Variants in EGFL7 observed in about 807,000 individuals in gnomAD.
EGFL7 encodes EGF like domain multiple 7, also known as epidermal growth factor-like protein 7.
Under a neutral mutation model 37.1 loss-of-function variants are expected in EGFL7, and 48 were observed. The ratio of observed to expected loss-of-function variants is 1.29; its 90% confidence interval spans 1.03 to 1.65. The LOEUF (loss-of-function observed/expected upper bound fraction) is 1.65. Ranked by LOEUF, EGFL7 falls within the 40% of genes most tolerant of loss-of-function variation. The pLI is 0.00. For missense variants in EGFL7, 384 were observed against 378.9 expected (o/e 1.01, Z -0.11); for synonymous variants, 180 against 156.8 (o/e 1.15, Z -1.10).
intron 1 of EGFL7, 122 bp downstream of exon 1, chr9:136,663,230 G>A (rs533903132): frequency 1.4e-4 from 21 of 152,552 alleles, no homozygotes; most frequent in African/African-American, 5.0e-4. Context: ...CGAGGTCACA[G>A]GGGAGGGGTC....
At position 136,672,025 on chromosome 9, in the gene EGFL7, C is replaced by T; in HGVS notation, c.736C>T (p.Gln246Ter). The T allele has an allele frequency of 6.5e-7, 1 of 1,544,850 alleles. No homozygotes were observed. The highest frequency in any genetic ancestry group is 8.7e-7 in the Non-Finnish European group (1 of 1,146,844). Residue 246 changes from glutamine to a stop codon, truncating the protein, a stop_gained, in exon 10 of 11, where the codon CAG becomes TAG. Transcript: ENST00000308874. LOFTEE classifies it high-confidence loss of function. ...PGSLLVHSFQQLGRIDSLSEQ... is the reference protein window; with the variant it reads ...PGSLLVHSFQ ...CAGCCTCCTGGTGCACTCCTTCCAG[C>T]AGCTCGGCCGCATCGACTCCCTGAG...
At chr9:136,665,172 C>T (rs963518150) in intron 3 of EGFL7, among the ~76,000 whole-genome samples, 22 of 152,336 alleles carry the variant, frequency 1.4e-4, no homozygotes, top group South Asian at 4.1e-4. Flanking sequence ...TGCCTGATGC[C>T]TGAGAGAGGG....
upstream of EGFL7, chr9:136,658,950 G>A (rs1844978468): frequency 6.6e-6 from 1 of 152,210 alleles, no homozygotes; most frequent in East Asian, 1.9e-4. Flanking sequence ...GCCCCAGGAA[G>A]GGAGACGGGA....
At chr9:136,670,791 T>TA in intron 8 of EGFL7, 159 bp from the exon 9 acceptor site, 1 of 759,470 alleles carries the variant, frequency 1.3e-6, no homozygotes, top group Non-Finnish European at 2.3e-6. Flanking sequence ...TTAGGCGGCA[T>TA]AGCCCTGAGA....
Position 136,671,020 on chromosome 9 carries a change from G to T in EGFL7, c.636+6G>T. 1 of 1,333,940 alleles carries T rather than the reference G, an allele frequency of 7.5e-7. No individual in the cohort carries two copies. The highest frequency in any genetic ancestry group is 9.9e-7 in the Non-Finnish European group (1 of 1,009,788). 82.6% of individuals were successfully genotyped at this position (1,333,940 alleles called of 1,614,324 possible). A position where few individuals can be genotyped will look rare whatever the true frequency, so the allele number is the denominator to read the frequency against. On this transcript the variant is annotated splice_donor_region_variant and intron_variant, in intron 9 of 10. Coordinates refer to ENST00000308874, the MANE Select transcript of EGFL7 (RefSeq NM_016215.5). Reference sequence around the variant, plus strand: ...GGGTGGACCTGCTGGAGGAGGTGAGGCATTGGTGGGGGGGGGGGGGGGCAG... The same window carrying T: ...GGGTGGACCTGCTGGAGGAGGTGAGTCATTGGTGGGGGGGGGGGGGGGCAG...
intron 5 of EGFL7, 105 bp from the exon 6 acceptor site, chr9:136,669,501 G>T: frequency 1.3e-6 from 1 of 780,044 alleles, no homozygotes; most frequent in Non-Finnish European, 2.1e-6. Flanking sequence ...ACCCTTGGGG[G>T]CATGCTGGGG....
At chr9:136,660,149 G>A (rs1189661378), upstream of EGFL7, among the ~76,000 whole-genome samples, 1 of 152,146 alleles carries the variant, frequency 6.6e-6, no homozygotes, top group Non-Finnish European at 1.5e-5. Context: ...CCTGGGCCTT[G>A]GGCACAGAGT....
chr9:136,670,410 G>A (rs1845771160), intron 8 of EGFL7, 80 bp downstream of exon 8: 4 of 1,458,372 alleles, frequency 2.7e-6, no homozygotes. Flanking sequence ...GCATGGTGGG[G>A]GGCACTGGAA....
At chr9:136,660,714 C>G (rs1845092942), upstream of EGFL7, among the ~76,000 whole-genome samples, 1 of 152,184 alleles carries the variant, frequency 6.6e-6, no homozygotes, top group African/African-American at 2.4e-5. Flanking sequence ...CCGAGCTGTC[C>G]CCTGGCCGGA....
At position 136,670,312 on chromosome 9, in the gene EGFL7, G is replaced by A; in HGVS notation, c.553G>A (p.Val185Met). 1 of 1,587,276 alleles carries A rather than the reference G, an allele frequency of 6.3e-7. No homozygotes were observed. Among genetic ancestry groups the A allele is most frequent in the Non-Finnish European group, 8.6e-7 (1 of 1,164,048 alleles). The change falls in exon 8 of 11, where the codon GTG (valine) becomes ATG (methionine). Residue 185 changes from valine to methionine, a missense_variant. Val to Met is a conservative substitution (Grantham distance 21). Coordinates refer to ENST00000308874, the MANE Select transcript of EGFL7 (RefSeq NM_016215.5). The part of the protein sequence containing the change: ...LCVPKGGPPR[V>M]APNPTGVDSA... ...TGTGCCCAAGGGAGGGCCCCCCAGG[G>A]TGGCCCCCAACCCGACAGGTAAACA...
chr9:136,662,218 G>A (rs1030256060), upstream of EGFL7, among the ~76,000 whole-genome samples: 4 of 152,200 alleles, frequency 2.6e-5, no homozygotes, highest in East Asian at 1.9e-4. Flanking sequence ...TGGGGCTGAG[G>A]GCATTGGGCC....
rs991453675 is a variant in EGFL7 at position 136,669,926 on chromosome 9, C to T, written c.326C>T (p.Pro109Leu). 10 of 1,599,402 alleles carry T rather than the reference C, an allele frequency of 6.3e-6. No homozygotes were observed. The highest frequency in any genetic ancestry group is 4.0e-5 in the African/African-American group (3 of 74,622). Residue 109 changes from proline (P) to leucine (L), a missense_variant, in exon 7 of 11, where the codon CCG (proline) becomes CTG (leucine). By Grantham distance (98) the Pro-to-Leu change is moderately conservative. Coordinates refer to ENST00000308874, the MANE Select transcript of EGFL7 (RefSeq NM_016215.5). ...CCCCCGCCCACAGCAATATGCCAGC[C>T]GCCATGCCGGAACGGAGGGAGCTGT... ...PGACGAAICQ[P>L]PCRNGGSCVQ...
chr9:136,668,629 C>T lies in EGFL7; in HGVS notation c.153C>T (p.Pro51=). The stretch of plus-strand genomic sequence containing the variant: ...CGTTCGTGCAGCGTGTGTACCAGCC[C>T]TTCCTCACCACCTGCGACGGGCACC... ...SESFVQRVYQ[P]FLTTCDGHRA... The change falls in exon 5 of 11, where the codon CCC becomes CCT. Residue 51 remains proline (P), a synonymous_variant. Transcript: ENST00000308874. 1 of 1,606,908 alleles carries T rather than the reference C, an allele frequency of 6.2e-7. No individual in the cohort carries two copies. Among genetic ancestry groups the T allele is most frequent in the Non-Finnish European group, 8.5e-7 (1 of 1,179,744 alleles).
rs538297858 is a variant in EGFL7 at position 136,668,191 on chromosome 9, G to A, written c.-42-50G>A. The A allele has an allele frequency of 2.7e-5, 31 of 1,150,012 alleles. No homozygotes were observed. The African/African-American group carries it at 2.8e-4, about 10-fold the overall frequency. 71.2% of individuals were successfully genotyped at this position (1,150,012 alleles called of 1,614,324 possible). On this transcript the variant is annotated intron_variant, in intron 3 of 10. Transcript: ENST00000308874. ...CGGAGCAAGTGCAAACTGCACCCGCGTCCTGGGGGCATCTGCGGGGAGACT... is the reference window on the plus strand; with the variant it reads ...CGGAGCAAGTGCAAACTGCACCCGCATCCTGGGGGCATCTGCGGGGAGACT...
In EGFL7 at chr9:136,671,042, G is replaced by A. The variant is rs1297671108; in HGVS notation, c.636+28G>A. 3.4e-5 allele frequency: 21 copies of A among 623,672 alleles called. 2 individuals are homozygous for A. The highest frequency in any genetic ancestry group is 8.0e-5 in the African/African-American group (3 of 37,582). The allele number at this position is 623,672 out of a possible 1,614,324, so 38.6% of individuals were successfully genotyped here. ...GAGGCATTGGTGGGGGGGGGGGGGG[G>A]CAGGCAGTCCAGGGTGGACCTGCTG... On this transcript the variant is annotated intron_variant, in intron 9 of 10. Transcript: ENST00000308874.
chr9:136,671,687 C>G (rs1845915167), intron 9 of EGFL7, among the ~76,000 whole-genome samples: 1 of 152,128 alleles, frequency 6.6e-6, no homozygotes, highest in Admixed American at 6.5e-5. Context: ...CCAGCTGTCC[C>G]CCTAGTTCTC....
At chr9:136,672,231 G>C in intron 10 of EGFL7, 33 bp from the exon 11 acceptor site, 1 of 1,613,328 alleles carries the variant, frequency 6.2e-7, no homozygotes, top group Middle Eastern at 1.6e-4. Flanking sequence ...GTGGGGAGCA[G>C]TGATCTCTGA....
At chr9:136,670,850 T>G in intron 8 of EGFL7, 100 bp from the exon 9 acceptor site, 2 of 1,151,642 alleles carry the variant, frequency 1.7e-6, no homozygotes, top group South Asian at 1.4e-5. Context: ...GGCCTGGGCC[T>G]GAGTCTTCTG....
intron 3 of EGFL7, chr9:136,665,869 G>A (rs989846266): frequency 4.1e-5 from 6 of 146,100 alleles, no homozygotes; most frequent in African/African-American, 1.5e-4. Context: ...GTCGCCGCCC[G>A]GGCTGGGTCG....
Sources: gnomAD v4.1 joint callset for allele counts (sites outside exome capture counted in the v4.1 genomes callset) on GRCh38, gnomAD v4.1.1 for gene constraint, MANE v1.5 for transcripts, NCBI Gene and HGNC (gene_info 2026-07-23, HGNC 2026-07-21) for gene names.